GRIK1: variants seen among roughly 807,000 people sequenced by gnomAD.
GRIK1 encodes the protein glutamate ionotropic receptor kainate type subunit 1.
In GRIK1, 69 loss-of-function variants were observed where a neutral mutation model predicts 105.7. The ratio of observed to expected loss-of-function variants is 0.65; its 90% CI spans 0.54 to 0.80. GRIK1 has a LOEUF of 0.80. Ranked by LOEUF, GRIK1 falls within the 30% of genes least tolerant of loss-of-function variation. The pLI is 0.00. For missense variants in GRIK1, 1,109 were observed against 1,167.3 expected (o/e 0.95, Z 0.73); for synonymous variants, 438 against 431.3 (o/e 1.02, Z -0.19).
At chr21:29,570,101 A>G (rs1383464544) in intron 14 of GRIK1, among the ~76,000 whole-genome samples, 1 of 152,148 alleles carries the variant, frequency 6.6e-6, no homozygotes, top group Non-Finnish European at 1.5e-5. Context: ...GAAACAATTG[A>G]AAGGACCAAA....
At chr21:29,713,267 C>T (rs2064100861) in intron 1 of GRIK1, among the ~76,000 whole-genome samples, 1 of 152,188 alleles carries the variant, frequency 6.6e-6, no homozygotes, top group Non-Finnish European at 1.5e-5. Context: ...GGTCCAGCCA[C>T]ATCCTTGTCC....
intron 16 of GRIK1, among the ~76,000 whole-genome samples, chr21:29,542,577 C>G (rs76919874): frequency 0.024 from 3,647 of 152,170 alleles, 132 homozygotes; most frequent in African/African-American, 0.082. Flanking sequence ...TTGCAGTATT[C>G]AAAAAACTAG....
At chr21:29,921,170 C>A (rs543078059) in intron 1 of GRIK1, among the ~76,000 whole-genome samples, 207 of 151,276 alleles carry the variant, frequency 1.4e-3, no homozygotes, top group African/African-American at 5.0e-3. Context: ...TAGAAACAAA[C>A]AGAAATGTCC....
chr21:29,823,083 G>A (rs2067349920), intron 1 of GRIK1, among the ~76,000 whole-genome samples: 1 of 151,934 alleles, frequency 6.6e-6, no homozygotes, highest in African/African-American at 2.4e-5. Flanking sequence ...CAATAAGATA[G>A]GGTTAGCTCC....
chr21:29,901,946 A>G (rs557485166), intron 1 of GRIK1, among the ~76,000 whole-genome samples: 2 of 152,324 alleles, frequency 1.3e-5, no homozygotes, highest in Admixed American at 1.3e-4. Flanking sequence ...AAGCTTATCC[A>G]CCACAATAAG....
rs1601116875 is a variant in GRIK1, at chr21:29,560,574, T to TTCTTTCTC, written c.2356+1049_2356+1050insGAGAAAGA. On this transcript the variant is annotated intron_variant, in intron 15 of 17. Coordinates refer to ENST00000327783, the MANE Select transcript of GRIK1 (RefSeq NM_001330994.2). ...TTTCTTTCTTTCTTTCTTTCTTTCT[T>TTCTTTCTC]TCTCTCTTTCTTTCTTTCTCTCCTT... 7.2e-5 allele frequency among the ~76,000 whole-genome samples: 9 copies of TTCTTTCTC among 124,182 alleles called. No individual in the cohort carries two copies. The East Asian group carries it at 8.9e-4, about 12-fold the overall frequency. 81.5% of individuals were successfully genotyped at this position (124,182 alleles called of 152,430 possible).
chr21:29,560,920 G>C (rs1272477218), intron 15 of GRIK1, among the ~76,000 whole-genome samples: 1 of 151,966 alleles, frequency 6.6e-6, no homozygotes, highest in Non-Finnish European at 1.5e-5. Context: ...TTTCTATAGA[G>C]AGGGAAAAAA....
chr21:29,717,533 T>C (rs552292198), intron 1 of GRIK1, among the ~76,000 whole-genome samples: 1 of 152,364 alleles, frequency 6.6e-6, no homozygotes, highest in African/African-American at 2.4e-5. Context: ...TTTGGAACTT[T>C]TAGGTTTAAT....
At chr21:29,541,048 A>G (rs2089960982) in intron 16 of GRIK1, among the ~76,000 whole-genome samples, 2 of 151,064 alleles carry the variant, frequency 1.3e-5, no homozygotes, top group South Asian at 4.2e-4. Flanking sequence ...GCTCACTGCA[A>G]CTTCTGTCTC....
At chr21:29,690,024 C>T in intron 2 of GRIK1, 39 bp from the exon 3 acceptor site, 1 of 1,338,102 alleles carries the variant, frequency 7.5e-7, no homozygotes, top group Non-Finnish European at 1.1e-6. Flanking sequence ...GGAGGGAGGG[C>T]AGGGAAAGGG....
At chr21:29,920,046 G>A (rs759706370) in intron 1 of GRIK1, among the ~76,000 whole-genome samples, 2 of 152,100 alleles carry the variant, frequency 1.3e-5, no homozygotes, top group Non-Finnish European at 2.9e-5. Context: ...AATAGAAGAA[G>A]AATCAATGAA....
intron 1 of GRIK1, among the ~76,000 whole-genome samples, chr21:29,709,892 AT>A (rs201350810): frequency 0.016 from 2,502 of 151,900 alleles, 28 homozygotes; most frequent in Middle Eastern, 0.045. Context: ...TCAAATATTC[AT>A]TATTTCTGTT....
intron 1 of GRIK1, among the ~76,000 whole-genome samples, chr21:29,746,654 T>C (rs1345426256): frequency 6.6e-6 from 1 of 152,180 alleles, no homozygotes; most frequent in African/African-American, 2.4e-5. Flanking sequence ...AAAGTTCAAG[T>C]GAAAGGACTT....
intron 7 of GRIK1, chr21:29,601,262 CAGG>C (rs1289405659): frequency 2.0e-6 from 1 of 498,934 alleles, no homozygotes; most frequent in Admixed American, 2.0e-5. Context: ...TTCTTGAGAA[CAGG>C]AGATTACATC....
intron 14 of GRIK1, among the ~76,000 whole-genome samples, chr21:29,572,042 G>A: frequency 6.6e-6 from 1 of 152,142 alleles, no homozygotes; most frequent in Admixed American, 6.5e-5. Flanking sequence ...GCTGGAGGAG[G>A]GAGACCCTGA....
intron 1 of GRIK1, among the ~76,000 whole-genome samples, chr21:29,909,883 C>G (rs2070757805): frequency 6.6e-6 from 1 of 152,078 alleles, no homozygotes; most frequent in African/African-American, 2.4e-5. Flanking sequence ...ACTTTTATCC[C>G]TCAGAAGACT....
chr21:29,932,522 T>C (rs894157385), intron 1 of GRIK1, among the ~76,000 whole-genome samples: 2 of 152,104 alleles, frequency 1.3e-5, no homozygotes, highest in Non-Finnish European at 1.5e-5. Flanking sequence ...TCTTTCCTTT[T>C]TAAAAATTTT....
intron 7 of GRIK1, among the ~76,000 whole-genome samples, chr21:29,621,395 T>C (rs563750535): frequency 6.8e-6 from 1 of 146,696 alleles, no homozygotes; most frequent in East Asian, 2.0e-4. Flanking sequence ...GCCTGAGGGG[T>C]GTGTGTGTGT....
At chr21:29,582,446 T>C in intron 12 of GRIK1, 1 of 316,594 alleles carries the variant, frequency 3.2e-6, no homozygotes, top group Middle Eastern at 4.1e-4. Flanking sequence ...ACTAGTATAG[T>C]AGTGTGGGAA....
Sources: gnomAD v4.1 joint callset for allele counts (sites outside exome capture counted in the v4.1 genomes callset) on GRCh38, gnomAD v4.1.1 for gene constraint, MANE v1.5 for transcripts, NCBI Gene and HGNC (gene_info 2026-07-23, HGNC 2026-07-21) for gene names.